Variants in DPP10 observed in about 807,000 individuals in gnomAD.
DPP10 encodes dipeptidyl peptidase like 10, also known as inactive dipeptidyl peptidase 10.
DPP10 carries 33 observed loss-of-function variants against 120.9 expected under a neutral mutation model. The ratio of observed to expected loss-of-function variants is 0.27; its 90% CI spans 0.21 to 0.37. The LOEUF (loss-of-function observed/expected upper bound fraction) is 0.37, where lower values mean the gene tolerates loss of function less well. Ranked by LOEUF, DPP10 falls within the 10% of genes least tolerant of loss-of-function variation. The pLI is 1.00. For missense variants in DPP10, 816 were observed against 942.8 expected (o/e 0.87, Z 1.76); for synonymous variants, 337 against 326.1 (o/e 1.03, Z -0.36).
At chr2:115,179,370 GTAT>G (rs890718585) in intron 1 of DPP10, among the ~76,000 whole-genome samples, 5 of 152,018 alleles carry the variant, frequency 3.3e-5, no homozygotes, top group Admixed American at 6.6e-5. Flanking sequence ...TGTTGTTTCT[GTAT>G]TATTATTAAA....
At chr2:115,811,309 G>A (rs757559724) in intron 19 of DPP10, among the ~76,000 whole-genome samples, 1 of 152,132 alleles carries the variant, frequency 6.6e-6, no homozygotes, top group Non-Finnish European at 1.5e-5. Flanking sequence ...TTAAACCTTG[G>A]AAAGACTAGG....
chr2:114,453,456 A>G (rs1352797044), intron 1 of DPP10, among the ~76,000 whole-genome samples: 3 of 152,076 alleles, frequency 2.0e-5, no homozygotes, highest in Admixed American at 6.6e-5. Context: ...TTTGGGGAGC[A>G]TGAAACAAAA....
chr2:114,457,611 A>G (rs528253106), intron 1 of DPP10, among the ~76,000 whole-genome samples: 1 of 152,160 alleles, frequency 6.6e-6, no homozygotes, highest in East Asian at 1.9e-4. Flanking sequence ...GGATTTACAG[A>G]TGGAGGAATC....
intron 1 of DPP10, among the ~76,000 whole-genome samples, chr2:114,553,886 A>T (rs1473686106): frequency 6.6e-6 from 1 of 152,250 alleles, no homozygotes; most frequent in African/African-American, 2.4e-5. Flanking sequence ...CTGTTTCAGG[A>T]TTGGAAATAT....
At chr2:114,512,871 A>C (rs1684261782) in intron 1 of DPP10, among the ~76,000 whole-genome samples, 1 of 152,158 alleles carries the variant, frequency 6.6e-6, no homozygotes, top group Non-Finnish European at 1.5e-5. Context: ...GAATGCCTGC[A>C]CCTCTGACCA....
In DPP10 at chr2:115,247,842, C is replaced by G. The variant is rs554006559; in HGVS notation, c.61-61397C>G. Among the ~76,000 whole-genome samples the G allele has an allele frequency of 1.1e-4, 17 of 152,198 alleles. No homozygotes were observed. In the East Asian group the frequency reaches 3.3e-3, roughly 29 times the overall value. On this transcript the variant is annotated intron_variant, in intron 1 of 25. Transcript: ENST00000410059. The stretch of plus-strand genomic sequence containing the variant: ...AGCATGCAAAGACAACACAACAAAC[C>G]AATATACTGTTTTGTTTTTCCCTTT...
intron 1 of DPP10, among the ~76,000 whole-genome samples, chr2:115,226,558 G>A (rs562722382): frequency 3.3e-5 from 5 of 152,210 alleles, no homozygotes; most frequent in East Asian, 3.9e-4. Flanking sequence ...AAACTTAGCC[G>A]TGAACAAAAT....
At chr2:114,790,675 T>C (rs1460842553) in intron 1 of DPP10, among the ~76,000 whole-genome samples, 1 of 151,326 alleles carries the variant, frequency 6.6e-6, no homozygotes, top group Non-Finnish European at 1.5e-5. Flanking sequence ...GAGTGGGGGT[T>C]CGCAAGGTGC....
chr2:115,331,224 G>A (rs1331041286), intron 2 of DPP10, among the ~76,000 whole-genome samples: 1 of 151,998 alleles, frequency 6.6e-6, no homozygotes, highest in African/African-American at 2.4e-5. Flanking sequence ...TTGGCTCTCT[G>A]TCTGTTATTT....
intron 1 of DPP10, among the ~76,000 whole-genome samples, chr2:114,825,560 A>C (rs1418192997): frequency 1.3e-5 from 2 of 152,214 alleles, no homozygotes; most frequent in Non-Finnish European, 2.9e-5. Context: ...TCTCCCGAAG[A>C]ATTACTTTCT....
intron 1 of DPP10, among the ~76,000 whole-genome samples, chr2:115,080,946 T>C (rs903587499): frequency 6.6e-6 from 1 of 152,242 alleles, no homozygotes; most frequent in Non-Finnish European, 1.5e-5. Flanking sequence ...CACTATTGAC[T>C]GTCTGACTTT....
chr2:115,509,806 A>G (rs2077132233), intron 4 of DPP10, among the ~76,000 whole-genome samples: 1 of 152,326 alleles, frequency 6.6e-6, no homozygotes, highest in African/African-American at 2.4e-5. Flanking sequence ...AGGTGGTTGC[A>G]TGGATTTGCC....
intron 1 of DPP10, among the ~76,000 whole-genome samples, chr2:114,989,203 G>A (rs1240271986): frequency 6.6e-6 from 1 of 151,978 alleles, no homozygotes; most frequent in East Asian, 1.9e-4. Context: ...TTGAGCTATT[G>A]TTGTTTGAGT....
At chr2:115,431,619 C>T (rs937583941) in intron 3 of DPP10, among the ~76,000 whole-genome samples, 1 of 152,106 alleles carries the variant, frequency 6.6e-6, no homozygotes, top group Non-Finnish European at 1.5e-5. Context: ...CTCACATCTC[C>T]GCTAGCCCTC....
At chr2:115,734,729 C>T (rs1201564964) in intron 8 of DPP10, among the ~76,000 whole-genome samples, 2 of 147,636 alleles carry the variant, frequency 1.4e-5, no homozygotes, top group African/African-American at 2.5e-5. Context: ...CATATATATA[C>T]ACACACACGT....
At chr2:115,546,337 A>G (rs1267495479) in intron 5 of DPP10, among the ~76,000 whole-genome samples, 1 of 152,140 alleles carries the variant, frequency 6.6e-6, no homozygotes, top group East Asian at 1.9e-4. Flanking sequence ...ATACATCTAC[A>G]TATATATGTA....
rs1558778453 is a variant in DPP10, at chr2:115,511,721, TC to T, written c.366+12118del. ...TCTTCTTTCTTCTTCTTCTTCTTCTTCTTCTTCTTCTTTTTTTTTTTTTTGA... is the reference window on the plus strand; with the variant it reads ...TCTTCTTTCTTCTTCTTCTTCTTCTTTTCTTCTTCTTTTTTTTTTTTTTGA... On this transcript the variant is annotated intron_variant, in intron 4 of 25. Transcript: ENST00000410059. Among the ~76,000 whole-genome samples the T allele has an allele frequency of 2.0e-3, 253 of 128,576 alleles. 2 individuals carry two copies. Among genetic ancestry groups the T allele is most frequent in the African/African-American group, 7.7e-3 (245 of 31,666 alleles). 84.4% of individuals were successfully genotyped at this position (128,576 alleles called of 152,430 possible).
chr2:115,839,845 C>T (rs1689909058), intron 24 of DPP10, among the ~76,000 whole-genome samples: 1 of 152,118 alleles, frequency 6.6e-6, no homozygotes, highest in Non-Finnish European at 1.5e-5. Flanking sequence ...GGGCTGCTTA[C>T]TTCAGAATCT....
chr2:115,474,626 TA>T (rs2105209569), intron 3 of DPP10, among the ~76,000 whole-genome samples: 1 of 151,798 alleles, frequency 6.6e-6, no homozygotes, highest in Non-Finnish European at 1.5e-5. Flanking sequence ...TAAAAGCCTA[TA>T]TTCGTATGTG....
Sources: allele counts gnomAD v4.1 joint callset (sites outside exome capture counted in the v4.1 genomes callset), GRCh38; gene constraint gnomAD v4.1.1; transcripts MANE v1.5; gene names NCBI Gene and HGNC (gene_info 2026-07-23, HGNC 2026-07-21).